SNX4: variants seen among roughly 807,000 people sequenced by gnomAD.
SNX4 encodes sorting nexin 4.
Under a neutral mutation model 70.8 loss-of-function variants are expected in SNX4, and 49 were observed. That is an observed-to-expected ratio of 0.69 (90% CI 0.55 to 0.88). The LOEUF is 0.88. Ranked by LOEUF, SNX4 falls within the 40% of genes least tolerant of loss-of-function variation. The probability of loss-of-function intolerance (pLI) is 0.00; values close to 1 mark genes in which losing one functional copy is unlikely to be tolerated. For synonymous variants in SNX4, 206 were observed against 183.8 expected (o/e 1.12, Z -0.98); for missense variants, 528 against 544.8 (o/e 0.97, Z 0.31).
intron 1 of SNX4, among the ~76,000 whole-genome samples, chr3:125,518,009 T>C (rs9836956): frequency 0.021 from 3,231 of 152,090 alleles, 121 homozygotes; most frequent in African/African-American, 0.072. Context: ...GGAAGTAGTA[T>C]GTAACTACAA....
chr3:125,449,649 T>C (rs1933525158), intron 13 of SNX4, among the ~76,000 whole-genome samples: 1 of 152,210 alleles, frequency 6.6e-6, no homozygotes, highest in African/African-American at 2.4e-5. Flanking sequence ...TTTTACTAGT[T>C]ATCTAAGGAT....
chr3:125,495,275 T>TATATACACAC, intron 5 of SNX4, among the ~76,000 whole-genome samples: 7 of 83,046 alleles, frequency 8.4e-5, no homozygotes, highest in African/African-American at 2.5e-4. Flanking sequence ...TATATATATA[T>TATATACACAC]ATACACATAC....
At chr3:125,509,023 T>A (rs558207322) in intron 1 of SNX4, among the ~76,000 whole-genome samples, 3 of 152,098 alleles carry the variant, frequency 2.0e-5, no homozygotes, top group African/African-American at 7.2e-5. Flanking sequence ...AAATTAAAAA[T>A]GTCGTGCATC....
chr3:125,455,842 T>C (rs1933701136), intron 11 of SNX4, among the ~76,000 whole-genome samples: 1 of 151,844 alleles, frequency 6.6e-6, no homozygotes, highest in Non-Finnish European at 1.5e-5. Flanking sequence ...TGAAACCCCG[T>C]CTGTACTAAA....
rs144097048 is a variant in SNX4, at chr3:125,519,254, T to C, written c.141+778A>G. On this transcript the variant is annotated intron_variant, in intron 1 of 13. Coordinates refer to ENST00000251775, the MANE Select transcript of SNX4 (RefSeq NM_003794.4). ...AGGTCTACAAATCTTGAATTGTATA[T>C]GCAAACACTTTGTAATGAAAGCACT... Among the ~76,000 whole-genome samples, 45 of 152,258 alleles carry C rather than the reference T, an allele frequency of 3.0e-4. 1 individual carries two copies. The Middle Eastern group carries it at 0.031, about 104-fold the overall frequency.
At chr3:125,508,516 G>A (rs1935099069) in intron 1 of SNX4, among the ~76,000 whole-genome samples, 3 of 150,440 alleles carry the variant, frequency 2.0e-5, no homozygotes, top group South Asian at 2.1e-4. Flanking sequence ...GCAGTGAGCC[G>A]AGATCGCACC....
At chr3:125,498,298 G>T in intron 2 of SNX4, 104 bp from the exon 3 acceptor site, 1 of 1,062,226 alleles carries the variant, frequency 9.4e-7, no homozygotes, top group South Asian at 1.7e-5. Context: ...TTATGAACCA[G>T]GCACTAAGTA....
At chr3:125,485,621 A>G (rs903751548) in intron 6 of SNX4, among the ~76,000 whole-genome samples, 2 of 152,082 alleles carry the variant, frequency 1.3e-5, no homozygotes, top group African/African-American at 4.8e-5. Flanking sequence ...ATATTTGCAT[A>G]CGGCTGTAGT....
chr3:125,465,678 T>A (rs1282020069), intron 9 of SNX4, among the ~76,000 whole-genome samples: 2 of 152,184 alleles, frequency 1.3e-5, no homozygotes, highest in Non-Finnish European at 2.9e-5. Flanking sequence ...AGTCTCACTC[T>A]GTCACCTAGG....
At chr3:125,510,871 C>T (rs531258686) in intron 1 of SNX4, among the ~76,000 whole-genome samples, 3 of 152,286 alleles carry the variant, frequency 2.0e-5, no homozygotes, top group South Asian at 2.1e-4. Context: ...TATGACTGAA[C>T]ATTTTTAAAC....
At chr3:125,478,045 C>CT (rs1934323688) in intron 7 of SNX4, among the ~76,000 whole-genome samples, 2 of 139,918 alleles carry the variant, frequency 1.4e-5, no homozygotes, top group Middle Eastern at 3.7e-3. Flanking sequence ...TTTCCTCCTC[C>CT]TCCTTCTTCT....
chr3:125,506,344 C>CTTTTTTTTTTTTTTT (rs552693772), intron 1 of SNX4, among the ~76,000 whole-genome samples: 3 of 137,722 alleles, frequency 2.2e-5, no homozygotes, highest in African/African-American at 8.1e-5. Context: ...TTTTTCATTT[C>CTTTTTTTTTTTTTTT]TTTTTTTTTT....
intron 1 of SNX4, among the ~76,000 whole-genome samples, chr3:125,511,418 AT>A: frequency 6.6e-6 from 1 of 152,250 alleles, no homozygotes. Context: ...TAAACTTTAA[AT>A]TCATCTAAAC....
intron 2 of SNX4, among the ~76,000 whole-genome samples, chr3:125,500,619 G>C (rs930439122): frequency 6.6e-6 from 1 of 151,708 alleles, no homozygotes; most frequent in Non-Finnish European, 1.5e-5. Flanking sequence ...GGCTAACACA[G>C]TGAAACCCCG....
In SNX4 at chr3:125,498,178, C is replaced by G. The variant is rs767449080; in HGVS notation, c.280G>C (p.Asp94His). ...GAGTCTGTTAGGACACTCTGACCAT[C>G]GGTATGTTCAACTGACCTGAAAAGG... is the stretch of plus-strand genomic sequence containing the variant. Reference protein sequence around the residue: ...LIETRSVEHTDGQSVLTDSLW... With the variant: ...LIETRSVEHTHGQSVLTDSLW... Residue 94 changes from aspartate to histidine, a missense_variant, in exon 3 of 14, where the codon GAT becomes CAT. By Grantham distance (81) the Asp-to-His change is moderately conservative. This residue lies in a region of SNX4 where 341 missense variants were observed against 312.2 expected (regional missense o/e 1.09). Transcript: ENST00000251775. The G allele has an allele frequency of 8.7e-6, 14 of 1,613,744 alleles. 1 individual carries two copies. In the South Asian group the frequency reaches 1.5e-4, roughly 18 times the overall value.
chr3:125,511,430 T>G (rs192390463), intron 1 of SNX4, among the ~76,000 whole-genome samples: 36 of 152,306 alleles, frequency 2.4e-4, no homozygotes, highest in Middle Eastern at 3.4e-3. Context: ...TCATCTAAAC[T>G]TTTGGCAGTG....
At position 125,504,734 on chromosome 3, in the gene SNX4, T is replaced by C. The variant is rs1553728628; in HGVS notation, c.152A>G (p.Asn51Ser). Residue 51 changes from asparagine to serine, a missense_variant, in exon 2 of 14, where the codon AAT becomes AGT. Transcript: ENST00000251775. ...ESSGVDTMTH[N>S]NFWLKKIEIS... Reference sequence around the variant, plus strand: ...TTCTATCTTCTTCAACCAAAAATTATTGTGTGTCATCTGGACAAAAGTAAA... The same window carrying C: ...TTCTATCTTCTTCAACCAAAAATTACTGTGTGTCATCTGGACAAAAGTAAA... 20 of 1,613,440 alleles carry C rather than the reference T, an allele frequency of 1.2e-5. No individual in the cohort carries two copies. The South Asian group carries it at 1.9e-4, about 15-fold the overall frequency.
intron 8 of SNX4, among the ~76,000 whole-genome samples, chr3:125,469,779 C>T (rs1934120958): frequency 6.6e-6 from 1 of 152,156 alleles, no homozygotes; most frequent in African/African-American, 2.4e-5. Flanking sequence ...TTATAGATTA[C>T]ATTCTCAGTT....
At chr3:125,497,736 AAATT>A (rs1262184916) in intron 4 of SNX4, 94 bp downstream of exon 4, 9 of 813,248 alleles carry the variant, frequency 1.1e-5, no homozygotes, top group South Asian at 6.5e-5. Context: ...AATTGCATAT[AAATT>A]AATGAAAAGA....
Sources: gnomAD v4.1 joint callset for allele counts (sites outside exome capture counted in the v4.1 genomes callset) on GRCh38, gnomAD v4.1.1 for gene constraint, gnomAD v4.1.1 regional missense constraint, MANE v1.5 for transcripts, NCBI Gene and HGNC (gene_info 2026-07-23, HGNC 2026-07-21) for gene names.